DNAJC7: variants seen among roughly 807,000 people sequenced by gnomAD.
DNAJC7 encodes dnaJ homolog subfamily C member 7.
DNAJC7 carries 18 observed loss-of-function variants against 67.4 expected under a neutral mutation model. That is an observed-to-expected ratio of 0.27 (90% confidence interval 0.18 to 0.40). The LOEUF (loss-of-function observed/expected upper bound fraction) is 0.40, where lower values mean the gene tolerates loss of function less well. DNAJC7 is among the 10% of genes least tolerant of loss of function. The pLI is 1.00. For missense variants in DNAJC7, 419 were observed against 613.8 expected (o/e 0.68, Z 3.35); for synonymous variants, 220 against 207.8 (o/e 1.06, Z -0.50).
chr17:42,003,415 A>G (rs1463646351), intron 1 of DNAJC7: 1 of 152,250 alleles, frequency 6.6e-6, no homozygotes, highest in Non-Finnish European at 1.5e-5. Flanking sequence ...GGCAGCAGCA[A>G]GAACTGAACA....
Position 42,016,485 on chromosome 17 carries a change from GA to G in DNAJC7, c.77+854del, listed in dbSNP as rs547259840. The G allele has an allele frequency of 4.2e-4, 64 of 152,328 alleles. 1 individual carries two copies. The highest frequency in any genetic ancestry group is 1.5e-3 in the African/African-American group (62 of 41,576). The allele number at this position is 152,328 out of a possible 1,614,324, so 9.4% of individuals were successfully genotyped here. A position where few individuals can be genotyped will look rare whatever the true frequency, so the allele number is the denominator to read the frequency against. ...AACCTTCTTGTCAATTCTGCTTTAG[GA>G]TTAGAACAAGTATGACTACCCACAA... On this transcript the variant is annotated intron_variant, in intron 1 of 13. Transcript: ENST00000457167.
chr17:41,986,973 G>C (rs1351606661), intron 9 of DNAJC7, among the ~76,000 whole-genome samples: 1 of 152,124 alleles, frequency 6.6e-6, no homozygotes. Context: ...AGTGGAGCAG[G>C]TGCTGGAGGA....
chr17:41,986,369 C>T lies in DNAJC7; in HGVS notation c.1010+1450G>A, dbSNP rs150548887. On this transcript the variant is annotated intron_variant, in intron 9 of 13. Transcript: ENST00000457167. ...CGACATAGCGAGACTCCATCCCGAGCGACATAGCGAGACTCCATCCCAAAA... is the reference window on the plus strand; with the variant it reads ...CGACATAGCGAGACTCCATCCCGAGTGACATAGCGAGACTCCATCCCAAAA... Among the ~76,000 whole-genome samples, 293 of 151,666 alleles carry T rather than the reference C, an allele frequency of 1.9e-3. 1 individual carries two copies. The highest frequency in any genetic ancestry group is 6.8e-3 in the African/African-American group (280 of 41,362).
chr17:41,992,687 C>G (rs937572966), intron 5 of DNAJC7: 13 of 152,182 alleles, frequency 8.5e-5, no homozygotes, highest in Non-Finnish European at 1.5e-5. Flanking sequence ...TCACTTCCCA[C>G]CCCCCAACCT....
In DNAJC7 at chr17:42,004,197, C is replaced by T. The variant is rs529723092; in HGVS notation, c.78-3627G>A. Among the ~76,000 whole-genome samples, 24 of 152,074 alleles carry T rather than the reference C, an allele frequency of 1.6e-4. No homozygotes were observed. The South Asian group carries it at 4.2e-3, about 26-fold the overall frequency. On this transcript the variant is annotated intron_variant, in intron 1 of 13. Transcript: ENST00000457167. Reference sequence around the variant, plus strand: ...CTCAAACTCCTGACTGCAAATGATCCGCCTGCCTAGACCTCTCAAAGTGCT... The same window carrying T: ...CTCAAACTCCTGACTGCAAATGATCTGCCTGCCTAGACCTCTCAAAGTGCT...
At chr17:42,003,248 T>C (rs2051856669) in intron 1 of DNAJC7, 1 of 152,248 alleles carries the variant, frequency 6.6e-6, no homozygotes, top group South Asian at 2.1e-4. Flanking sequence ...GCTTTTAGAC[T>C]GAACGCTTAT....
intron 1 of DNAJC7, among the ~76,000 whole-genome samples, chr17:42,001,265 A>G (rs1478879658): frequency 2.0e-5 from 3 of 152,198 alleles, no homozygotes; most frequent in Non-Finnish European, 2.9e-5. Context: ...ACAACAATGT[A>G]GGTACTTGCT....
At position 42,000,433 on chromosome 17, in the gene DNAJC7, A is replaced by C. The variant is rs73983694; in HGVS notation, c.166+49T>G. The C allele has an allele frequency of 4.8e-6, 7 of 1,448,590 alleles. No homozygotes were observed. The Admixed American group carries it at 5.5e-5, about 11-fold the overall frequency. The allele number at this position is 1,448,590 out of a possible 1,614,324, so 89.7% of individuals were successfully genotyped here. ...CAGGACTTGGCAGCTACTTTTAATA[A>C]TATTTGGCAAGTAAATGTTTTCTAG... On this transcript the variant is annotated intron_variant, in intron 2 of 13. Coordinates refer to ENST00000457167, the MANE Select transcript of DNAJC7 (RefSeq NM_003315.4).
At chr17:41,997,869 A>G (rs1387243872) in intron 2 of DNAJC7, among the ~76,000 whole-genome samples, 1 of 151,798 alleles carries the variant, frequency 6.6e-6, no homozygotes, top group Non-Finnish European at 1.5e-5. Context: ...CTGTATTTTT[A>G]TTTATTTATT....
intron 1 of DNAJC7, among the ~76,000 whole-genome samples, chr17:42,010,498 T>A (rs782271424): frequency 1.1e-4 from 16 of 151,706 alleles, no homozygotes; most frequent in East Asian, 3.9e-4. Context: ...GTCTCAAAAA[T>A]ATATATATAT....
At position 41,983,623 on chromosome 17, in the gene DNAJC7, C is replaced by G. The variant is rs1555646329; in HGVS notation, c.1024G>C (p.Glu342Gln). The G allele has an allele frequency of 1.2e-6, 2 of 1,603,206 alleles. No individual in the cohort carries two copies. The highest frequency in any genetic ancestry group is 1.7e-6 in the Non-Finnish European group (2 of 1,174,082). The change falls in exon 10 of 14, where the codon GAA becomes CAA. Residue 342 changes from glutamate to glutamine, a missense_variant. This residue lies in a region of DNAJC7 where 161 missense variants were observed against 252.2 expected (regional missense o/e 0.64). Coordinates refer to ENST00000457167, the MANE Select transcript of DNAJC7 (RefSeq NM_003315.4). ...TCTCGTACTGCTTCTTCATACTGTTCTGTGTCCATGTAACTGAGAAGGAAA... is the reference window on the plus strand; with the variant it reads ...TCTCGTACTGCTTCTTCATACTGTTGTGTGTCCATGTAACTGAGAAGGAAA... ...LRRAQCYMDT[E>Q]QYEEAVRDYE...
chr17:42,015,215 GC>G (rs2052233760), intron 1 of DNAJC7: 1 of 151,394 alleles, frequency 6.6e-6, no homozygotes. Context: ...CCCGACCTCA[GC>G]TGACCCACCT....
chr17:41,990,323 G>T lies in DNAJC7; in HGVS notation c.540C>A (p.Ile180=). The T allele has an allele frequency of 6.2e-7, 1 of 1,612,076 alleles. No homozygotes were observed. Among genetic ancestry groups the T allele is most frequent in the Non-Finnish European group, 8.5e-7 (1 of 1,179,158 alleles). ...GCATTGCTAAACATTCTGCCTTGAG[G>T]ATTTTGAAGCGATGGCAGGCAGGGG... ...EFAPACHRFK[I]LKAECLAMLG... Residue 180 remains isoleucine (I), a synonymous_variant, in exon 6 of 14, where the codon ATC becomes ATA. Transcript: ENST00000457167.
At position 41,988,900 on chromosome 17, in the gene DNAJC7, C is replaced by A; in HGVS notation, c.754-4G>T. Reference sequence around the variant, plus strand: ...TTGCTTTGAGTGCTTTGGCATTCTACAGAAAAAAGCAAGGGGAGGATCGGT... The same window carrying A: ...TTGCTTTGAGTGCTTTGGCATTCTAAAGAAAAAAGCAAGGGGAGGATCGGT... On this transcript the variant is annotated splice_region_variant and splice_polypyrimidine_tract_variant and intron_variant, in intron 7 of 13. Transcript: ENST00000457167. 6.2e-7 allele frequency: 1 copy of A among 1,611,842 alleles called. No individual in the cohort carries two copies. The highest frequency in any genetic ancestry group is 1.7e-5 in the Admixed American group (1 of 59,482).
intron 5 of DNAJC7, 65 bp downstream of exon 5, chr17:41,994,805 A>G (rs1555648331): frequency 7.2e-6 from 10 of 1,390,576 alleles, no homozygotes; most frequent in African/African-American, 1.4e-5. Flanking sequence ...TAATTATCAC[A>G]CACACACACG....
At chr17:42,014,147 T>G (rs1160861105) in intron 1 of DNAJC7, 1 of 151,860 alleles carries the variant, frequency 6.6e-6, no homozygotes, top group Non-Finnish European at 1.5e-5. Context: ...GTTAAACTGA[T>G]TTTTTTGTTT....
intron 12 of DNAJC7, 142 bp from the exon 13 acceptor site, chr17:41,977,465 G>A: frequency 1.4e-6 from 1 of 710,062 alleles, no homozygotes; most frequent in Non-Finnish European, 2.4e-6. Flanking sequence ...ACTTCAGACT[G>A]CAAGTGAGCA....
chr17:41,999,300 G>A (rs1036744105), intron 2 of DNAJC7, among the ~76,000 whole-genome samples: 1 of 151,704 alleles, frequency 6.6e-6, no homozygotes, highest in Middle Eastern at 3.2e-3. Flanking sequence ...AGGCTGAAAT[G>A]AAATGTGCAT....
In DNAJC7 at chr17:41,982,380, T is replaced by G. The variant is rs373239996; in HGVS notation, c.1106A>C (p.Asn369Thr). Reference protein sequence around the residue: ...KTKEHKQLLKNAQLELKKSKR... With the variant: ...KTKEHKQLLKTAQLELKKSKR... The stretch of plus-strand genomic sequence containing the variant: ...ACTCTTCTTCAGTTCCAGCTGCGCA[T>G]TTTTTAGGAGCTGTTTGTGTTCTAC... Residue 369 changes from asparagine (N) to threonine (T), a missense_variant, in exon 11 of 14, where the codon AAT becomes ACT. This residue lies in a region of DNAJC7 where 161 missense variants were observed against 252.2 expected (regional missense o/e 0.64). Coordinates refer to ENST00000457167, the MANE Select transcript of DNAJC7 (RefSeq NM_003315.4). The G allele has an allele frequency of 7.9e-5, 128 of 1,613,876 alleles. No individual in the cohort carries two copies. The East Asian group carries it at 2.7e-3, about 34-fold the overall frequency.
Sources: gnomAD v4.1 joint callset for allele counts (sites outside exome capture counted in the v4.1 genomes callset) on GRCh38, gnomAD v4.1.1 for gene constraint, gnomAD v4.1.1 regional missense constraint, MANE v1.5 for transcripts, NCBI Gene and HGNC (gene_info 2026-07-23, HGNC 2026-07-21) for gene names.